The following METTL21A variants were observed in gnomAD, a reference collection of about 807,000 sequenced individuals.
The protein encoded by METTL21A is protein N-lysine methyltransferase METTL21A.
A neutral mutation model predicts 20.9 loss-of-function variants in METTL21A; 22 were observed. The observed-to-expected ratio is 1.05, with a 90% CI of 0.75 to 1.50. The LOEUF is 1.50. METTL21A is among the 40% of genes most tolerant of loss of function. The pLI is 0.00. For missense variants in METTL21A, 271 were observed against 266.8 expected (o/e 1.02, Z -0.11); for synonymous variants, 93 against 102.0 (o/e 0.91, Z 0.53).
chr2:207,580,922 T>TA (rs1221495821), downstream of METTL21A: 3 of 217,650 alleles, frequency 1.4e-5, no homozygotes, highest in African/African-American at 4.5e-5. Flanking sequence ...TGGTGAACGT[T>TA]ACATCTACTC....
In METTL21A at chr2:207,596,847, A is replaced by G. The variant is rs2086273479; in HGVS notation, c.260-14687T>C. The G allele has an allele frequency of 3.8e-6, 6 of 1,561,798 alleles. No homozygotes were observed. In the South Asian group the frequency reaches 7.2e-5, roughly 19 times the overall value. On this transcript the variant is annotated intron_variant, in intron 3 of 3. Transcript: ENST00000425132. Reference sequence around the variant, plus strand: ...GCTATTTCTTTAAAAAAGAAAAAAAAAAGGTAATCCAAAATAAATATGTGG... The same window carrying G: ...GCTATTTCTTTAAAAAAGAAAAAAAGAAGGTAATCCAAAATAAATATGTGG...
intron 3 of METTL21A, among the ~76,000 whole-genome samples, chr2:207,619,691 A>T (rs1178449259): frequency 6.6e-6 from 1 of 152,184 alleles, no homozygotes; most frequent in African/African-American, 2.4e-5. Context: ...ACATACCAAA[A>T]TGCTAATGGT....
At chr2:207,600,156 A>G (rs2086785802) in intron 3 of METTL21A, 1 of 178,954 alleles carries the variant, frequency 5.6e-6, no homozygotes, top group African/African-American at 2.4e-5. Context: ...CAAGTACCAT[A>G]TTGGCAACCA....
At chr2:207,582,928 T>TATAC (rs1346268387) in intron 3 of METTL21A, 1 of 255,786 alleles carries the variant, frequency 3.9e-6, no homozygotes, top group Non-Finnish European at 7.8e-6. Context: ...AATATATATA[T>TATAC]ATACATACAC....
intron 3 of METTL21A, among the ~76,000 whole-genome samples, chr2:207,618,516 T>G (rs2090065565): frequency 6.6e-6 from 1 of 152,018 alleles, no homozygotes; most frequent in South Asian, 2.1e-4. Context: ...CTGGCCAAAA[T>G]GGTGAAACCC....
intron 3 of METTL21A, chr2:207,598,182 A>G (rs2086480507): frequency 5.5e-6 from 1 of 181,484 alleles, no homozygotes; most frequent in South Asian, 2.0e-4. Flanking sequence ...AAGAAGTTGT[A>G]AGGATATAAA....
chr2:207,590,631 A>G (rs1405404736), intron 3 of METTL21A, among the ~76,000 whole-genome samples: 1 of 152,098 alleles, frequency 6.6e-6, no homozygotes, highest in Non-Finnish European at 1.5e-5. Flanking sequence ...TAGTTGGATC[A>G]GTTTGGCAAA....
exon 3 of METTL21A, chr2:207,621,886 C>T (rs1338501138): frequency 1.2e-6 from 2 of 1,614,028 alleles, no homozygotes; most frequent in Non-Finnish European, 1.7e-6. Context: ...CTCCACAGCT[C>T]CCATCTCCAG....
chr2:207,623,057 G>A (rs529803424), intron 2 of METTL21A, among the ~76,000 whole-genome samples: 5 of 152,074 alleles, frequency 3.3e-5, no homozygotes, highest in South Asian at 4.2e-4. Context: ...ACAGGTGTGC[G>A]CCACCACGGC....
chr2:207,606,201 C>T (rs567228160), downstream of METTL21A, among the ~76,000 whole-genome samples: 2 of 152,208 alleles, frequency 1.3e-5, no homozygotes, highest in South Asian at 2.1e-4. Flanking sequence ...GGCCGGGGTG[C>T]GGGTGGCTCA....
intron 3 of METTL21A, among the ~76,000 whole-genome samples, chr2:207,594,953 T>C (rs1259172247): frequency 6.6e-6 from 1 of 151,976 alleles, no homozygotes; most frequent in African/African-American, 2.4e-5. Flanking sequence ...CTAGTGGTTT[T>C]GATTTGCATT....
chr2:207,616,495 C>G (rs1419028268), intron 3 of METTL21A, among the ~76,000 whole-genome samples: 1 of 152,200 alleles, frequency 6.6e-6, no homozygotes, highest in African/African-American at 2.4e-5. Context: ...AGAAACCTCT[C>G]CCCTCATACA....
At chr2:207,596,651 T>C (rs1312041565) in intron 3 of METTL21A, among the ~76,000 whole-genome samples, 1 of 152,228 alleles carries the variant, frequency 6.6e-6, no homozygotes, top group African/African-American at 2.4e-5. Context: ...CAGGCTGATC[T>C]TGGACTCCTG....
At chr2:207,583,850 G>A (rs925845491) in intron 3 of METTL21A, among the ~76,000 whole-genome samples, 39 of 152,106 alleles carry the variant, frequency 2.6e-4, no homozygotes, top group African/African-American at 9.2e-4. Flanking sequence ...CTTCCCCCAC[G>A]CCCTGAAAAC....
chr2:207,609,328 G>A (rs2088591269), downstream of METTL21A: 1 of 152,168 alleles, frequency 6.6e-6, no homozygotes, highest in Admixed American at 6.5e-5. Flanking sequence ...TTAAACTTTT[G>A]CATTGTAAAA....
intron 3 of METTL21A, among the ~76,000 whole-genome samples, chr2:207,585,132 C>T (rs936881936): frequency 1.3e-5 from 2 of 152,148 alleles, no homozygotes; most frequent in Non-Finnish European, 2.9e-5. Context: ...AGCTCGCTCT[C>T]ACTATCACAT....
intron 3 of METTL21A, chr2:207,597,275 G>T (rs192082921): frequency 4.4e-6 from 2 of 454,944 alleles, no homozygotes; most frequent in Non-Finnish European, 7.5e-6. Context: ...AATTTTCAAC[G>T]CCAGGAATCA....
intron 3 of METTL21A, among the ~76,000 whole-genome samples, chr2:207,587,643 A>G (rs958330396): frequency 1.3e-5 from 2 of 152,244 alleles, no homozygotes; most frequent in African/African-American, 2.4e-5. Flanking sequence ...ATTTGTGGCC[A>G]TGTGGATGAA....
At chr2:207,615,941 G>A (rs769621357) in intron 3 of METTL21A, among the ~76,000 whole-genome samples, 1 of 151,842 alleles carries the variant, frequency 6.6e-6, no homozygotes, top group Non-Finnish European at 1.5e-5. Flanking sequence ...TACAGAGAGG[G>A]TTTTGCCATG....
Sources: allele counts gnomAD v4.1 joint callset (sites outside exome capture counted in the v4.1 genomes callset), GRCh38; gene constraint gnomAD v4.1.1; transcripts MANE v1.5; gene names NCBI Gene and HGNC (gene_info 2026-07-23, HGNC 2026-07-21).